Variants in FNIP2 observed in about 807,000 individuals in gnomAD.
The protein encoded by FNIP2 is folliculin interacting protein 2.
Under a neutral mutation model 108.7 loss-of-function variants are expected in FNIP2, and 32 were observed. The observed-to-expected ratio is 0.29, with a 90% CI of 0.22 to 0.40. FNIP2 has a LOEUF of 0.40. Ranked by LOEUF, FNIP2 falls within the 10% of genes least tolerant of loss-of-function variation. FNIP2 has a pLI of 1.00. For synonymous variants in FNIP2, 480 were observed against 496.7 expected, an observed-to-expected ratio of 0.97 and a Z score of 0.45; for missense variants, 1,202 against 1,381.6, an observed-to-expected ratio of 0.87 and a Z score of 2.06.
chr4:158,774,078 C>A (rs1204337127), intron 1 of FNIP2, among the ~76,000 whole-genome samples: 1 of 152,130 alleles, frequency 6.6e-6, no homozygotes, highest in African/African-American at 2.4e-5. Flanking sequence ...CCTGACTTCA[C>A]CACTGTGCAA....
At chr4:158,871,555 C>T in intron 14 of FNIP2, 1 of 985,274 alleles carries the variant, frequency 1.0e-6, no homozygotes, top group Non-Finnish European at 1.2e-6. Flanking sequence ...AAGCAGATGT[C>T]AACATAACCT....
chr4:158,888,241 T>C (rs969274079), intron 14 of FNIP2, among the ~76,000 whole-genome samples: 5 of 152,236 alleles, frequency 3.3e-5, no homozygotes, highest in African/African-American at 7.2e-5. Flanking sequence ...TTGTGTGTTA[T>C]GTATTTAGTA....
intron 3 of FNIP2, among the ~76,000 whole-genome samples, chr4:158,830,094 A>G (rs1057105405): frequency 6.6e-6 from 1 of 152,186 alleles, no homozygotes; most frequent in African/African-American, 2.4e-5. Context: ...GTACCCCAAG[A>G]AAAAGCAGAT....
Position 158,895,874 on chromosome 4 carries a change from T to A in FNIP2, c.3266+9T>A. On this transcript the variant is annotated intron_variant, in intron 16 of 16. Coordinates refer to ENST00000264433, the MANE Select transcript of FNIP2 (RefSeq NM_020840.3). ...TTAGGTGTCGTACTGGGGTGAGTTCTGTGAAGTGCCGTCACTTGTCCCTTT... is the reference window on the plus strand; with the variant it reads ...TTAGGTGTCGTACTGGGGTGAGTTCAGTGAAGTGCCGTCACTTGTCCCTTT... 1.3e-6 allele frequency: 2 copies of A among 1,586,522 alleles called. No individual in the cohort carries two copies. Among genetic ancestry groups the A allele is most frequent in the Non-Finnish European group, 1.7e-6 (2 of 1,156,646 alleles).
chr4:158,829,726 G>T (rs1427981324), intron 3 of FNIP2, among the ~76,000 whole-genome samples: 1 of 152,036 alleles, frequency 6.6e-6, no homozygotes, highest in African/African-American at 2.4e-5. Flanking sequence ...GTGTGTGTGT[G>T]TGTGTGTGTG....
chr4:158,771,573 T>C (rs1281791748), intron 1 of FNIP2, among the ~76,000 whole-genome samples: 1 of 152,230 alleles, frequency 6.6e-6, no homozygotes, highest in African/African-American at 2.4e-5. Context: ...AATAGAGTTT[T>C]AGAAGTGAAG....
intron 6 of FNIP2, chr4:158,833,939 C>A: frequency 8.4e-7 from 1 of 1,192,564 alleles, no homozygotes; most frequent in East Asian, 4.4e-5. Flanking sequence ...ATTAATAAAT[C>A]CTGTGCAGGT....
rs1729972468 is a variant in FNIP2 at position 158,907,822 on chromosome 4, G to C, written c.*3278G>C. ...CAAAATATGATGAACGATATATCTT[G>C]AAAGTGAGATTGCAATATGCTTAAA... On this transcript the variant is annotated 3_prime_UTR_variant, in exon 17 of 17. Coordinates refer to ENST00000264433, the MANE Select transcript of FNIP2 (RefSeq NM_020840.3). 6.6e-6 allele frequency: 1 copy of C among 152,140 alleles called. No individual in the cohort carries two copies. The highest frequency in any genetic ancestry group is 2.4e-5 in the African/African-American group (1 of 41,444). 9.4% of individuals were successfully genotyped at this position (152,140 alleles called of 1,614,324 possible). A position where few individuals can be genotyped will look rare whatever the true frequency, so the allele number is the denominator to read the frequency against.
chr4:158,841,871 G>A (rs750204573), intron 7 of FNIP2, among the ~76,000 whole-genome samples: 2 of 152,250 alleles, frequency 1.3e-5, no homozygotes, highest in Non-Finnish European at 2.9e-5. Flanking sequence ...CCCCTTTTGT[G>A]TTGGTGTTGT....
At chr4:158,801,854 G>C (rs1322828695) in intron 1 of FNIP2, among the ~76,000 whole-genome samples, 1 of 152,144 alleles carries the variant, frequency 6.6e-6, no homozygotes, top group Non-Finnish European at 1.5e-5. Context: ...AGGATGGCCT[G>C]CTGCTTAGCT....
chr4:158,800,846 A>C (rs943229874), intron 1 of FNIP2, among the ~76,000 whole-genome samples: 2 of 152,152 alleles, frequency 1.3e-5, no homozygotes, highest in African/African-American at 4.8e-5. Flanking sequence ...TTTTATGAAG[A>C]TGTGCCACTC....
chr4:158,836,734 TG>T (rs1778826156), intron 7 of FNIP2: 1 of 150,148 alleles, frequency 6.7e-6, no homozygotes, highest in Non-Finnish European at 1.5e-5. Flanking sequence ...GAGAATCATT[TG>T]TACCTGGGAG....
chr4:158,840,920 G>A (rs1381732643), intron 7 of FNIP2, among the ~76,000 whole-genome samples: 2 of 152,178 alleles, frequency 1.3e-5, no homozygotes, highest in Admixed American at 6.5e-5. Context: ...TCAGTATAAG[G>A]AGAACTTACA....
chr4:158,829,920 A>G (rs913787531), intron 3 of FNIP2, among the ~76,000 whole-genome samples: 1 of 152,220 alleles, frequency 6.6e-6, no homozygotes, highest in Admixed American at 6.5e-5. Context: ...GGAAGTTACC[A>G]GCAAATGGGT....
intron 1 of FNIP2, among the ~76,000 whole-genome samples, chr4:158,809,657 A>G (rs1256867479): frequency 6.6e-6 from 1 of 152,212 alleles, no homozygotes; most frequent in African/African-American, 2.4e-5. Context: ...GACTTGCCAC[A>G]CATATTTGTG....
chr4:158,782,966 A>G (rs1001195444), intron 1 of FNIP2, among the ~76,000 whole-genome samples: 6 of 152,170 alleles, frequency 3.9e-5, no homozygotes, highest in Admixed American at 6.5e-5. Flanking sequence ...TTTGTTCATC[A>G]TTTTGTCTTC....
chr4:158,850,553 G>C (rs1416451572), intron 7 of FNIP2, among the ~76,000 whole-genome samples: 1 of 150,726 alleles, frequency 6.6e-6, no homozygotes, highest in African/African-American at 2.4e-5. Flanking sequence ...GAAAGGTTCA[G>C]AGGCAAATAA....
At chr4:158,827,245 G>A (rs1314941146) in intron 2 of FNIP2, among the ~76,000 whole-genome samples, 1 of 152,254 alleles carries the variant, frequency 6.6e-6, no homozygotes, top group Non-Finnish European at 1.5e-5. Context: ...TTGGTGGACA[G>A]GAGATGGTTT....
At chr4:158,824,060 G>C (rs965923506) in intron 1 of FNIP2, among the ~76,000 whole-genome samples, 3 of 152,224 alleles carry the variant, frequency 2.0e-5, no homozygotes, top group African/African-American at 7.2e-5. Context: ...AAAAGAACAT[G>C]TTCAGTATTA....
Sources: gnomAD v4.1 joint callset for allele counts (sites outside exome capture counted in the v4.1 genomes callset) on GRCh38, gnomAD v4.1.1 for gene constraint, MANE v1.5 for transcripts, NCBI Gene and HGNC (gene_info 2026-07-23, HGNC 2026-07-21) for gene names.